The following SLC1A2 variants were observed in gnomAD, a reference collection of about 807,000 sequenced individuals.
The protein encoded by SLC1A2 is solute carrier family 1 member 2.
Under a neutral mutation model 48.8 loss-of-function variants are expected in SLC1A2, and 15 were observed. The observed-to-expected ratio is 0.31, with a 90% confidence interval of 0.21 to 0.47. The LOEUF is 0.47. SLC1A2 is among the 20% of genes least tolerant of loss of function. The probability of loss-of-function intolerance (pLI) is 0.99; values close to 1 mark genes in which losing one functional copy is unlikely to be tolerated. For missense variants in SLC1A2, 502 were observed against 730.5 expected (o/e 0.69, Z 3.61); for synonymous variants, 279 against 272.6 (o/e 1.02, Z -0.23).
At chr11:35,358,040 G>A (rs1438501880) in intron 1 of SLC1A2, among the ~76,000 whole-genome samples, 1 of 152,080 alleles carries the variant, frequency 6.6e-6, no homozygotes, top group Non-Finnish European at 1.5e-5. Context: ...AGCTACTTGG[G>A]AGGCTAAGGC....
Position 35,315,999 on chromosome 11 carries a change from C to T in SLC1A2, c.158-824G>A, listed in dbSNP as rs557034216. The T allele has an allele frequency of 2.0e-5, 3 of 152,088 alleles. No individual in the cohort carries two copies. The South Asian group carries it at 6.2e-4, about 32-fold the overall frequency. The allele number at this position is 152,088 out of a possible 1,614,324, so 9.4% of individuals were successfully genotyped here. A position where few individuals can be genotyped will look rare whatever the true frequency, so the allele number is the denominator to read the frequency against. ...AGTGTGAATTCTATTTTTTTCTTCCCATCTATTTTCTTTGGCTTCCAATAA... is the reference window on the plus strand; with the variant it reads ...AGTGTGAATTCTATTTTTTTCTTCCTATCTATTTTCTTTGGCTTCCAATAA... On this transcript the variant is annotated intron_variant, in intron 2 of 10. Coordinates refer to ENST00000278379, the MANE Select transcript of SLC1A2 (RefSeq NM_004171.4).
intron 7 of SLC1A2, among the ~76,000 whole-genome samples, chr11:35,290,748 G>T (rs1346720642): frequency 2.0e-5 from 3 of 148,694 alleles, no homozygotes; most frequent in Admixed American, 1.3e-4. Context: ...TTCAAGTGAA[G>T]ATCTGTATGG....
chr11:35,271,181 T>C (rs1161634101), intron 9 of SLC1A2, among the ~76,000 whole-genome samples: 4 of 152,152 alleles, frequency 2.6e-5, no homozygotes, highest in South Asian at 2.1e-4. Flanking sequence ...GTAGGGAGCA[T>C]GGTCAGTTGG....
chr11:35,322,925 C>T (rs1852121397), intron 1 of SLC1A2: 2 of 611,102 alleles, frequency 3.3e-6, no homozygotes, highest in Non-Finnish European at 5.8e-6. Context: ...CTGCAAATCC[C>T]TCCACCCTTC....
intron 1 of SLC1A2, among the ~76,000 whole-genome samples, chr11:35,353,843 C>A (rs986516994): frequency 6.6e-6 from 1 of 152,176 alleles, no homozygotes; most frequent in Admixed American, 6.5e-5. Flanking sequence ...ACTCCTATTT[C>A]AATTACAGGC....
At chr11:35,309,674 A>G (rs1443886188) in intron 4 of SLC1A2, among the ~76,000 whole-genome samples, 1 of 152,132 alleles carries the variant, frequency 6.6e-6, no homozygotes, top group Non-Finnish European at 1.5e-5. Context: ...AAGACAGGTT[A>G]TTTTAAATGA....
intron 1 of SLC1A2, chr11:35,399,574 C>T: frequency 2.0e-6 from 2 of 981,980 alleles, no homozygotes; most frequent in Non-Finnish European, 2.4e-6. Context: ...GAGAATCAAA[C>T]CTGGTAATCA....
intron 1 of SLC1A2, among the ~76,000 whole-genome samples, chr11:35,411,416 AATCTATC>A (rs1855457045): frequency 6.6e-6 from 1 of 152,220 alleles, no homozygotes; most frequent in South Asian, 2.1e-4. Context: ...TTTCCTAAGA[AATCTATC>A]AGATTCCAAC....
rs1039672113 is a variant in SLC1A2, at chr11:35,329,987, G to A, written c.18-12471C>T. Among the ~76,000 whole-genome samples, 8 of 152,300 alleles carry A rather than the reference G, an allele frequency of 5.3e-5. No homozygotes were observed. In the East Asian group the frequency reaches 1.5e-3, roughly 29 times the overall value. On this transcript the variant is annotated intron_variant, in intron 1 of 10. Transcript: ENST00000278379. ...GTCCTTCTTTATAGATGAAAAACTG[G>A]AGGTCAGAGAGAGGAGCACATTTGC...
intron 1 of SLC1A2, among the ~76,000 whole-genome samples, chr11:35,363,154 G>A (rs1853736320): frequency 6.6e-6 from 1 of 152,198 alleles, no homozygotes; most frequent in African/African-American, 2.4e-5. Flanking sequence ...TGTCTCTCTA[G>A]AGAAGGGGAG....
chr11:35,303,505 A>G (rs1330536026), intron 5 of SLC1A2, among the ~76,000 whole-genome samples: 1 of 152,218 alleles, frequency 6.6e-6, no homozygotes, highest in African/African-American at 2.4e-5. Flanking sequence ...GCCATTCCCA[A>G]GTCCTTCTCT....
At chr11:35,329,324 G>A (rs1852353903) in intron 1 of SLC1A2, among the ~76,000 whole-genome samples, 1 of 152,152 alleles carries the variant, frequency 6.6e-6, no homozygotes, top group African/African-American at 2.4e-5. Flanking sequence ...ACCCATGAAT[G>A]TACAACACCA....
chr11:35,382,477 C>T (rs1266118785), intron 1 of SLC1A2, among the ~76,000 whole-genome samples: 2 of 152,142 alleles, frequency 1.3e-5, no homozygotes, highest in Non-Finnish European at 2.9e-5. Flanking sequence ...ATGATATTTC[C>T]AAAAGGACAA....
chr11:35,389,452 C>CCTT (rs1555020634), intron 1 of SLC1A2, among the ~76,000 whole-genome samples: 2 of 150,548 alleles, frequency 1.3e-5, no homozygotes, highest in East Asian at 1.9e-4. Context: ...TTCTCCTTCT[C>CCTT]CTTCTTCTTC....
chr11:35,317,609 T>G (rs570618194), intron 1 of SLC1A2, 93 bp from the exon 2 acceptor site: 12 of 1,432,004 alleles, frequency 8.4e-6, no homozygotes, highest in African/African-American at 4.2e-5. Context: ...CCAGGCACAG[T>G]TGGAATCTGG....
chr11:35,406,670 C>G (rs1186674688), intron 1 of SLC1A2, among the ~76,000 whole-genome samples: 1 of 152,048 alleles, frequency 6.6e-6, no homozygotes, highest in Non-Finnish European at 1.5e-5. Flanking sequence ...ACCAACATTT[C>G]TGGCTTTGAA....
intron 1 of SLC1A2, among the ~76,000 whole-genome samples, chr11:35,397,157 T>A (rs1425508906): frequency 6.7e-6 from 1 of 149,524 alleles, no homozygotes; most frequent in Non-Finnish European, 1.5e-5. Context: ...ATGACTTTCT[T>A]CACAGAATTG....
intron 1 of SLC1A2, among the ~76,000 whole-genome samples, chr11:35,412,471 A>C (rs968506454): frequency 6.6e-6 from 1 of 152,248 alleles, no homozygotes; most frequent in East Asian, 1.9e-4. Context: ...AAAGGGAGTC[A>C]GACCACCAGT....
chr11:35,364,106 C>T (rs962085830), intron 1 of SLC1A2, among the ~76,000 whole-genome samples: 1 of 152,206 alleles, frequency 6.6e-6, no homozygotes, highest in African/African-American at 2.4e-5. Flanking sequence ...ACACTAAGAA[C>T]ACCATATGTG....
Sources: gnomAD v4.1 joint callset for allele counts (sites outside exome capture counted in the v4.1 genomes callset) on GRCh38, gnomAD v4.1.1 for gene constraint, MANE v1.5 for transcripts, NCBI Gene and HGNC (gene_info 2026-07-23, HGNC 2026-07-21) for gene names.